DGKB: variants seen among roughly 807,000 people sequenced by gnomAD.
DGKB encodes the protein diacylglycerol kinase beta.
DGKB carries 67 observed loss-of-function variants against 114.3 expected under a neutral mutation model. The observed-to-expected ratio is 0.59, with a 90% CI of 0.48 to 0.72. DGKB has a LOEUF of 0.72. DGKB is among the 30% of genes least tolerant of loss of function. The probability of loss-of-function intolerance (pLI) is 0.00; values close to 1 mark genes in which losing one functional copy is unlikely to be tolerated. For synonymous variants in DGKB, 398 were observed against 323.1 expected (o/e 1.23, Z -2.49); for missense variants, 907 against 975.2 (o/e 0.93, Z 0.93).
chr7:14,474,856 G>T (rs1781940102), intron 21 of DGKB, among the ~76,000 whole-genome samples: 1 of 151,398 alleles, frequency 6.6e-6, no homozygotes, highest in South Asian at 2.1e-4. Flanking sequence ...CTAAAGGACT[G>T]GAAGTTTTTA....
intron 17 of DGKB, among the ~76,000 whole-genome samples, chr7:14,601,404 C>A (rs1217519211): frequency 6.6e-6 from 1 of 152,148 alleles, no homozygotes; most frequent in Non-Finnish European, 1.5e-5. Flanking sequence ...CTTCCATTGT[C>A]TTGATGAATA....
At chr7:14,583,945 A>C (rs2128729364) in intron 17 of DGKB, among the ~76,000 whole-genome samples, 1 of 152,346 alleles carries the variant, frequency 6.6e-6, no homozygotes, top group South Asian at 2.1e-4. Context: ...CTTGTCCCAA[A>C]CATAACAACT....
chr7:14,676,368 C>G (rs1348430217), intron 12 of DGKB, among the ~76,000 whole-genome samples: 1 of 152,018 alleles, frequency 6.6e-6, no homozygotes, highest in Non-Finnish European at 1.5e-5. Flanking sequence ...GATAGCACAA[C>G]AGGGTGACTA....
intron 1 of DGKB, among the ~76,000 whole-genome samples, chr7:14,863,610 AG>A (rs1305404121): frequency 6.6e-6 from 1 of 152,052 alleles, no homozygotes; most frequent in Non-Finnish European, 1.5e-5. Flanking sequence ...TATAGTTTAA[AG>A]TTTTAAATTT....
chr7:14,269,236 T>C (rs1230358605), intron 23 of DGKB: 1 of 152,288 alleles, frequency 6.6e-6, no homozygotes, highest in African/African-American at 2.4e-5. Flanking sequence ...TGCAGTGATT[T>C]TTACGACCTA....
At chr7:14,410,036 T>C (rs1824611385) in intron 21 of DGKB, among the ~76,000 whole-genome samples, 3 of 152,062 alleles carry the variant, frequency 2.0e-5, no homozygotes, top group Non-Finnish European at 1.5e-5. Flanking sequence ...AAGTTAAAGA[T>C]AGATTTTTGA....
chr7:14,181,260 G>A (rs1782598420), intron 23 of DGKB, among the ~76,000 whole-genome samples: 1 of 152,052 alleles, frequency 6.6e-6, no homozygotes, highest in African/African-American at 2.4e-5. Flanking sequence ...AGATAAGTTT[G>A]CCCACCTATG....
chr7:14,905,244 G>GGTT (rs1491341642), upstream of DGKB, among the ~76,000 whole-genome samples: 8 of 139,338 alleles, frequency 5.7e-5, no homozygotes, highest in Non-Finnish European at 7.7e-5. Flanking sequence ...CATCTTGTTA[G>GGTT]TTTTTTTTTT....
chr7:14,166,118 C>T (rs545164576), intron 25 of DGKB, among the ~76,000 whole-genome samples: 1 of 152,302 alleles, frequency 6.6e-6, no homozygotes, highest in South Asian at 2.1e-4. Context: ...AGATAACTTA[C>T]TTGGAATAGT....
intron 13 of DGKB, among the ~76,000 whole-genome samples, chr7:14,659,637 G>C (rs1323781847): frequency 6.8e-6 from 1 of 147,762 alleles, no homozygotes; most frequent in African/African-American, 2.5e-5. Flanking sequence ...TTTGGGCTGA[G>C]ACAATGGGGT....
At chr7:14,522,920 G>T (rs1028746872) in intron 20 of DGKB, among the ~76,000 whole-genome samples, 50 of 152,064 alleles carry the variant, frequency 3.3e-4, no homozygotes, top group African/African-American at 1.1e-3. Context: ...AGACAAGAAA[G>T]CATACGGAAT....
intron 23 of DGKB, among the ~76,000 whole-genome samples, chr7:14,260,413 A>G (rs925318824): frequency 6.6e-6 from 1 of 152,198 alleles, no homozygotes; most frequent in Non-Finnish European, 1.5e-5. Flanking sequence ...TCCAGTTACT[A>G]TCTTGTGTTA....
chr7:14,815,986 T>A (rs2128091763), intron 2 of DGKB, among the ~76,000 whole-genome samples: 1 of 152,288 alleles, frequency 6.6e-6, no homozygotes, highest in African/African-American at 2.4e-5. Flanking sequence ...TACTAGGCAT[T>A]GCTATATTTT....
intron 20 of DGKB, among the ~76,000 whole-genome samples, chr7:14,482,331 A>T (rs906318704): frequency 6.6e-6 from 1 of 151,948 alleles, no homozygotes; most frequent in Admixed American, 6.6e-5. Context: ...AATTAAATAA[A>T]TTGCATAATC....
chr7:14,175,462 T>C (rs1584254124), intron 25 of DGKB, among the ~76,000 whole-genome samples: 1 of 152,292 alleles, frequency 6.6e-6, no homozygotes, highest in Admixed American at 6.5e-5. Flanking sequence ...AACTCATTAA[T>C]AAATTTTTCC....
At chr7:14,659,189 C>A (rs1816508262) in intron 13 of DGKB, among the ~76,000 whole-genome samples, 1 of 151,906 alleles carries the variant, frequency 6.6e-6, no homozygotes. Context: ...AGAGTGTATT[C>A]CAGGAAGAAC....
chr7:14,224,777 C>T (rs1010657776), intron 23 of DGKB, among the ~76,000 whole-genome samples: 2 of 151,982 alleles, frequency 1.3e-5, no homozygotes, highest in African/African-American at 4.8e-5. Flanking sequence ...TGGCTATATG[C>T]CCTGCAATGA....
chr7:14,852,487 C>CAAAAAAACAAAAACAAAAAAA lies in DGKB; in HGVS notation c.-187-11038_-187-11037insTTTTTTTGTTTTTGTTTTTTT, dbSNP rs1554304213. 2.0e-4 allele frequency among the ~76,000 whole-genome samples: 13 copies of CAAAAAAACAAAAACAAAAAAA among 63,618 alleles called. 1 individual carries two copies. The highest frequency in any genetic ancestry group is 8.8e-3 in the Middle Eastern group (1 of 114). The allele number at this position is 63,618 out of a possible 152,430, so 41.7% of individuals were successfully genotyped here. On this transcript the variant is annotated intron_variant, in intron 1 of 25. Transcript: ENST00000402815. ...GAGGAATAGCTAAAATAGTGAAAGT[C>CAAAAAAACAAAAACAAAAAAA]AAAAAAAAAACAGAAATCAAGCATA...
intron 18 of DGKB, 21 bp from the exon 19 acceptor site, chr7:14,580,972 C>CA: frequency 6.5e-7 from 1 of 1,531,308 alleles, no homozygotes; most frequent in Non-Finnish European, 8.9e-7. Context: ...AAAAAAAATA[C>CA]AAATAAAGAA....
Sources: gnomAD v4.1 joint callset for allele counts (sites outside exome capture counted in the v4.1 genomes callset) on GRCh38, gnomAD v4.1.1 for gene constraint, MANE v1.5 for transcripts, NCBI Gene and HGNC (gene_info 2026-07-23, HGNC 2026-07-21) for gene names.